Variants in TFDP1 observed in about 807,000 individuals in gnomAD.
TFDP1 encodes transcription factor Dp-1, also known as DRTF1-polypeptide 1.
A neutral mutation model predicts 48.0 loss-of-function variants in TFDP1; 6 were observed. That is an observed-to-expected ratio of 0.13 (90% CI 0.07 to 0.25). The LOEUF is 0.25. Among genes scored for constraint, TFDP1 ranks in the 10% least tolerant of loss-of-function variants. The pLI, the probability that TFDP1 is intolerant of heterozygous loss-of-function variation, is 1.00. For synonymous variants in TFDP1, 201 were observed against 211.6 expected (o/e 0.95, Z 0.44); for missense variants, 335 against 543.0 (o/e 0.62, Z 3.81).
At position 113,635,948 on chromosome 13, in the gene TFDP1, G is replaced by C. The variant is rs147392293; in HGVS notation, c.688-29G>C. On this transcript the variant is annotated intron_variant, in intron 8 of 11. Transcript: ENST00000375370. The stretch of plus-strand genomic sequence containing the variant: ...GGGGCTGCGTTCTTGTGCCGCCACG[G>C]GCCACCTGGCTCCTCTTATTTTTTT... 513 of 1,606,542 alleles carry C rather than the reference G, an allele frequency of 3.2e-4. 3 individuals are homozygous for C. In the African/African-American group the frequency reaches 6.5e-3, roughly 20 times the overall value.
intron 2 of TFDP1, among the ~76,000 whole-genome samples, chr13:113,599,566 G>A (rs2048360904): frequency 6.6e-6 from 1 of 152,224 alleles, no homozygotes; most frequent in Non-Finnish European, 1.5e-5. Flanking sequence ...GGGTGTTGGG[G>A]CCTTTGGGAG....
chr13:113,617,141 C>T (rs1351016955), intron 3 of TFDP1, among the ~76,000 whole-genome samples: 2 of 152,140 alleles, frequency 1.3e-5, no homozygotes, highest in East Asian at 1.9e-4. Context: ...GGCCCAGCCA[C>T]GTCAGGCACA....
Position 113,633,184 on chromosome 13 carries a change from G to A in TFDP1, c.373G>A (p.Glu125Lys). 2 of 1,614,166 alleles carry A rather than the reference G, an allele frequency of 1.2e-6. No homozygotes were observed. Among genetic ancestry groups the A allele is most frequent in the Non-Finnish European group, 1.7e-6 (2 of 1,180,042 alleles). ...GLRHFSMKVC[E>K]KVQRKGTTSY... ...ACGGCATTTCTCCATGAAGGTCTGC[G>A]AGAAGGTGCAGAGGAAAGGGACCAC... Residue 125 changes from glutamate (E) to lysine (K), a missense_variant, in exon 6 of 12, where the codon GAG becomes AAG. Glu to Lys is a moderately conservative substitution (Grantham distance 56). This residue lies in a region of TFDP1 where 28 missense variants were observed against 115.5 expected (regional missense o/e 0.24). Coordinates refer to ENST00000375370, the MANE Select transcript of TFDP1 (RefSeq NM_007111.5). This position sits in a 1 kb window ranked among gnomAD's most constrained non-coding sequence, Gnocchi z 4.5.
At chr13:113,597,753 C>G (rs187834687) in intron 2 of TFDP1, among the ~76,000 whole-genome samples, 60 of 152,344 alleles carry the variant, frequency 3.9e-4, no homozygotes, top group Admixed American at 4.6e-4. Context: ...AGGGGCTGAT[C>G]TGATCAGAGC....
chr13:113,591,779 G>A (rs566422089), intron 2 of TFDP1, among the ~76,000 whole-genome samples: 1 of 152,206 alleles, frequency 6.6e-6, no homozygotes. Context: ...CTTAGACTAC[G>A]TGTGGGGATG....
chr13:113,625,124 G>A (rs1401451855), intron 4 of TFDP1, among the ~76,000 whole-genome samples: 77 of 123,074 alleles, frequency 6.3e-4, no homozygotes, highest in Non-Finnish European at 1.2e-3. Context: ...GTGTCCTCAG[G>A]TGTCTCTCAG....
intron 3 of TFDP1, among the ~76,000 whole-genome samples, chr13:113,611,409 G>A (rs569241187): frequency 9.8e-5 from 15 of 152,394 alleles, no homozygotes; most frequent in South Asian, 2.1e-4. Flanking sequence ...CCAGAGGCCG[G>A]CCTCACCTGT....
intron 2 of TFDP1, among the ~76,000 whole-genome samples, chr13:113,599,020 C>T (rs570968815): frequency 2.6e-5 from 4 of 152,320 alleles, no homozygotes; most frequent in East Asian, 1.9e-4. Context: ...TGACAGTCAA[C>T]GGGGCTCTGC....
chr13:113,632,130 T>C (rs1027100022), intron 5 of TFDP1, among the ~76,000 whole-genome samples: 3 of 152,220 alleles, frequency 2.0e-5, no homozygotes, highest in African/African-American at 7.2e-5. Flanking sequence ...ATTCAGCCTC[T>C]ACTGCCCCTG....
At chr13:113,631,903 C>T in intron 5 of TFDP1, 159 bp downstream of exon 5, 2 of 1,040,172 alleles carry the variant, frequency 1.9e-6, no homozygotes, top group Non-Finnish European at 2.7e-6. Flanking sequence ...GTGGCCTGCA[C>T]AGGTGTGCAG....
Position 113,636,115 on chromosome 13 carries a change from A to T in TFDP1, c.826A>T (p.Ile276Phe). ...TSKKTVIDCS[I>F]SNDKFEYLFN... is the part of the protein sequence containing the mutation. Reference sequence around the variant, plus strand: ...CAAGAAGACGGTCATCGACTGCAGCATCTCCAATGACAAGTAGGTTGTGGG... The same window carrying T: ...CAAGAAGACGGTCATCGACTGCAGCTTCTCCAATGACAAGTAGGTTGTGGG... Residue 276 changes from isoleucine (I) to phenylalanine (F), a missense_variant, in exon 9 of 12, where the codon ATC (isoleucine) becomes TTC (phenylalanine). Ile to Phe is a conservative substitution (Grantham distance 21). Transcript: ENST00000375370. 1 of 1,614,196 alleles carries T rather than the reference A, an allele frequency of 6.2e-7. No individual in the cohort carries two copies. The highest frequency in any genetic ancestry group is 1.6e-4 in the Middle Eastern group (1 of 6,062).
chr13:113,634,484 T>C, intron 7 of TFDP1, 50 bp from the exon 8 acceptor site: 1 of 1,534,788 alleles, frequency 6.5e-7, no homozygotes, highest in Non-Finnish European at 8.9e-7. Flanking sequence ...TAAAAAACGC[T>C]CTGTGGAACA....
intron 2 of TFDP1, among the ~76,000 whole-genome samples, chr13:113,606,960 G>A (rs1426722096): frequency 6.6e-6 from 1 of 152,212 alleles, no homozygotes; most frequent in Admixed American, 6.5e-5. Flanking sequence ...GGTTGAGACT[G>A]TAGCCAGGTG....
intron 2 of TFDP1, among the ~76,000 whole-genome samples, chr13:113,602,902 C>G (rs1431698980): frequency 6.6e-6 from 1 of 151,864 alleles, no homozygotes; most frequent in African/African-American, 2.4e-5. Context: ...TTTGTTTTCC[C>G]TGGGCCACAT....
Position 113,627,665 on chromosome 13 carries a change from C to T in TFDP1, c.187-3958C>T, listed in dbSNP as rs1336919791. The stretch of plus-strand genomic sequence containing the variant: ...CCCCTGGGCCTGTTAGGAAGCTGGC[C>T]GCACAGCCGCCTGAGCCCTGCCTCC... On this transcript the variant is annotated intron_variant, in intron 4 of 11. Transcript: ENST00000375370. The surrounding 1 kb of genome is among the most constrained non-coding windows in gnomAD (Gnocchi z 4.1). Among the ~76,000 whole-genome samples, 2 of 152,114 alleles carry T rather than the reference C, an allele frequency of 1.3e-5. No homozygotes were observed. Among genetic ancestry groups the T allele is most frequent in the African/African-American group, 4.8e-5 (2 of 41,412 alleles).
rs1218367306 is a variant in TFDP1 at position 113,622,995 on chromosome 13, T to TA, written c.80-184dup. On this transcript the variant is annotated intron_variant, in intron 3 of 11. Transcript: ENST00000375370. ...CAGCGCGGCCCTGCGGCCCTCCCCT[T>TA]ACGGGTTTACATTGGGAATCAAGCT... is the stretch of plus-strand genomic sequence containing the variant. Among the ~76,000 whole-genome samples the TA allele has an allele frequency of 6.6e-5, 10 of 152,252 alleles. No homozygotes were observed. The East Asian group carries it at 1.9e-3, about 29-fold the overall frequency.
intron 2 of TFDP1, among the ~76,000 whole-genome samples, chr13:113,596,597 C>T (rs1022277071): frequency 6.6e-6 from 1 of 152,218 alleles, no homozygotes; most frequent in African/African-American, 2.4e-5. Context: ...GAAGCCTGGT[C>T]TGTAGGCTCC....
At chr13:113,586,640 C>G (rs750521218) in intron 2 of TFDP1, among the ~76,000 whole-genome samples, 1 of 152,216 alleles carries the variant, frequency 6.6e-6, no homozygotes, top group Non-Finnish European at 1.5e-5. Context: ...GCACATGCTG[C>G]CTCTGCCTGA....
chr13:113,623,370 G>A lies in TFDP1; in HGVS notation c.186+84G>A. The stretch of plus-strand genomic sequence containing the variant: ...GCCGTGTGGTTGGGGATGTTCCCAG[G>A]TGTGCCTGGATTTGGGCTCCAGTTG... On this transcript the variant is annotated intron_variant, in intron 4 of 11. Transcript: ENST00000375370. This position sits in a 1 kb window ranked among gnomAD's most constrained non-coding sequence, Gnocchi z 5.2. The A allele has an allele frequency of 7.4e-7, 1 of 1,343,952 alleles. No individual in the cohort carries two copies. The highest frequency in any genetic ancestry group is 1.0e-6 in the Non-Finnish European group (1 of 973,624). The allele number at this position is 1,343,952 out of a possible 1,614,324, so 83.3% of individuals were successfully genotyped here.
Sources: allele counts gnomAD v4.1 joint callset (sites outside exome capture counted in the v4.1 genomes callset), GRCh38; gene constraint gnomAD v4.1.1; regional missense constraint gnomAD v4.1.1; non-coding constraint Gnocchi (gnomAD v3.1); transcripts MANE v1.5; gene names NCBI Gene and HGNC (gene_info 2026-07-23, HGNC 2026-07-21).